STRADA: variants seen among roughly 807,000 people sequenced by gnomAD.
STRADA encodes STE20-related kinase adapter protein alpha.
Under a neutral mutation model 55.0 loss-of-function variants are expected in STRADA, and 26 were observed. The observed-to-expected ratio is 0.47, with a 90% confidence interval of 0.35 to 0.66. The LOEUF is 0.66. Ranked by LOEUF, STRADA falls within the 30% of genes least tolerant of loss-of-function variation. The pLI, the probability that STRADA is intolerant of heterozygous loss-of-function variation, is 0.01. For synonymous variants in STRADA, 197 were observed against 210.9 expected (o/e 0.93, Z 0.57); for missense variants, 443 against 549.7 (o/e 0.81, Z 1.94).
At position 63,710,513 on chromosome 17, in the gene STRADA, G is replaced by T; in HGVS notation, c.559C>A (p.His187Asn). The stretch of plus-strand genomic sequence containing the variant: ...CACCTGTGTACATATCCCATGTGGT[G>T]GATGTAGTCGAGGGCCTTCAGCACC... ...QGVLKALDYI[H>N]HMGYVHRSVK... The change falls in exon 8 of 13, where the codon CAC (histidine) becomes AAC (asparagine). Residue 187 changes from histidine (H) to asparagine (N), a missense_variant. Coordinates refer to ENST00000336174, the MANE Select transcript of STRADA (RefSeq NM_001003787.4). The T allele has an allele frequency of 5.6e-6, 9 of 1,613,890 alleles. No individual in the cohort carries two copies. Among genetic ancestry groups the T allele is most frequent in the Non-Finnish European group, 7.6e-6 (9 of 1,179,884 alleles).
At chr17:63,719,735 C>T (rs1365325647) in intron 4 of STRADA, among the ~76,000 whole-genome samples, 7 of 152,126 alleles carry the variant, frequency 4.6e-5, no homozygotes, top group Admixed American at 1.3e-4. Context: ...GCGCGCACCT[C>T]GGCCTCCCAA....
chr17:63,711,286 C>T (rs1308083711), intron 6 of STRADA, among the ~76,000 whole-genome samples: 2 of 152,248 alleles, frequency 1.3e-5, no homozygotes, highest in African/African-American at 4.8e-5. Context: ...CCTTCTGCCT[C>T]AGCCTCCCAA....
chr17:63,721,541 C>G (rs1685989961), intron 4 of STRADA, among the ~76,000 whole-genome samples: 1 of 151,154 alleles, frequency 6.6e-6, no homozygotes, highest in African/African-American at 2.4e-5. Flanking sequence ...TAGTGAAACC[C>G]TGTCTCTACT....
At chr17:63,713,175 TAAATGAATAAAA>T (rs1446858174) in intron 6 of STRADA, among the ~76,000 whole-genome samples, 1 of 151,776 alleles carries the variant, frequency 6.6e-6, no homozygotes, top group Non-Finnish European at 1.5e-5. Flanking sequence ...AAATAATAAA[TAAATGAATAAAA>T]AAGCCAGAAG....
chr17:63,726,846 G>C, intron 2 of STRADA, 151 bp from the exon 3 acceptor site: 1 of 702,356 alleles, frequency 1.4e-6, no homozygotes, highest in Non-Finnish European at 2.4e-6. Context: ...GTTTTTAACA[G>C]AATCTTGAAC....
At chr17:63,737,622 G>C (rs2038547676) in intron 1 of STRADA, among the ~76,000 whole-genome samples, 1 of 152,186 alleles carries the variant, frequency 6.6e-6, no homozygotes, top group Non-Finnish European at 1.5e-5. Context: ...AATACTGAAA[G>C]TTGATAGGAT....
intron 2 of STRADA, chr17:63,727,409 C>T (rs1435672598): frequency 6.6e-6 from 1 of 152,224 alleles, no homozygotes; most frequent in Non-Finnish European, 1.5e-5. Flanking sequence ...GGCTTGGGGG[C>T]ATTCTTTCCA....
intron 1 of STRADA, among the ~76,000 whole-genome samples, chr17:63,739,382 T>A (rs924740751): frequency 1.3e-5 from 2 of 152,030 alleles, no homozygotes; most frequent in African/African-American, 4.8e-5. Flanking sequence ...GATTGAATCA[T>A]GTACAGATGA....
chr17:63,717,239 G>A (rs2036952260), intron 4 of STRADA: 1 of 152,104 alleles, frequency 6.6e-6, no homozygotes, highest in East Asian at 1.9e-4. Context: ...ATTTGATACT[G>A]GTTTTTATAC....
rs750274268 is a variant in STRADA, at chr17:63,704,275, C to G, written c.1100+66G>C. 5.0e-6 allele frequency: 8 copies of G among 1,594,964 alleles called. No individual in the cohort carries two copies. The East Asian group carries it at 1.8e-4, about 36-fold the overall frequency. On this transcript the variant is annotated intron_variant, in intron 11 of 12. Transcript: ENST00000336174. ...CCTTTGGGAGGTAAGTCCCTTCACA[C>G]CCTGGCCTTACCCTCCTGAGCACCC...
chr17:63,719,483 C>T (rs1361358026), intron 4 of STRADA, among the ~76,000 whole-genome samples: 1 of 151,628 alleles, frequency 6.6e-6, no homozygotes, highest in Non-Finnish European at 1.5e-5. Flanking sequence ...CAGATAGATA[C>T]TACTTTTTTT....
At chr17:63,713,361 C>T (rs2036633354) in intron 6 of STRADA, 45 bp downstream of exon 6, 1 of 1,598,960 alleles carries the variant, frequency 6.3e-7, no homozygotes, top group African/African-American at 1.3e-5. Flanking sequence ...CTATCAGAGC[C>T]AAGAGCCCAC....
chr17:63,726,518 C>A lies in STRADA; in HGVS notation c.94+120G>T, dbSNP rs2037670349. On this transcript the variant is annotated intron_variant, in intron 3 of 12. Coordinates refer to ENST00000336174, the MANE Select transcript of STRADA (RefSeq NM_001003787.4). Reference sequence around the variant, plus strand: ...AAATTCAAAAAGGAACCAAAGAAATCCAACAACTGTAGGTTACACTTGCCC... The same window carrying A: ...AAATTCAAAAAGGAACCAAAGAAATACAACAACTGTAGGTTACACTTGCCC... 1.3e-5 allele frequency: 12 copies of A among 901,676 alleles called. No individual in the cohort carries two copies. The South Asian group carries it at 2.1e-4, about 16-fold the overall frequency. 55.9% of individuals were successfully genotyped at this position (901,676 alleles called of 1,614,324 possible). A position where few individuals can be genotyped will look rare whatever the true frequency, so the allele number is the denominator to read the frequency against.
chr17:63,726,504 G>T, intron 3 of STRADA, 134 bp downstream of exon 3: 1 of 784,926 alleles, frequency 1.3e-6, no homozygotes. Context: ...AATTCAAAAA[G>T]GAACCAAAGA....
At chr17:63,714,227 G>A (rs2036705985) in intron 4 of STRADA, 119 bp from the exon 5 acceptor site, 1 of 711,158 alleles carries the variant, frequency 1.4e-6, no homozygotes, top group Non-Finnish European at 2.5e-6. Context: ...CACAAATCCC[G>A]ACTCAGTGCC....
intron 1 of STRADA, among the ~76,000 whole-genome samples, chr17:63,734,715 T>C (rs2038293434): frequency 6.6e-6 from 1 of 152,180 alleles, no homozygotes; most frequent in Admixed American, 6.6e-5. Flanking sequence ...TTGACCAAAT[T>C]AATCTTTCCC....
At chr17:63,724,127 CTTTTT>C (rs1466726362) in intron 3 of STRADA, among the ~76,000 whole-genome samples, 1 of 151,932 alleles carries the variant, frequency 6.6e-6, no homozygotes. Context: ...ATGCTTTCTT[CTTTTT>C]AATTTTTTTT....
chr17:63,704,348 C>G lies in STRADA; in HGVS notation c.1093G>C (p.Asp365His), dbSNP rs1309903629. The change falls in exon 11 of 13, where the codon GAT (aspartate) becomes CAT (histidine). Residue 365 changes from aspartate to histidine, a missense_variant. By Grantham distance (81) the Asp-to-His change is moderately conservative (BLOSUM62 -1). Transcript: ENST00000336174. Reference sequence around the variant, plus strand: ...CCAGGCCAGCAGGGATACCTGGCATCCGGGTTGCGCTGAAGGCACTGCTCC... The same window carrying G: ...CCAGGCCAGCAGGGATACCTGGCATGCGGGTTGCGCTGAAGGCACTGCTCC... ...FVEQCLQRNP[D>H]ARPSASTLLN... The G allele has an allele frequency of 4.3e-6, 7 of 1,612,338 alleles. No individual in the cohort carries two copies. Among genetic ancestry groups the G allele is most frequent in the Non-Finnish European group, 5.9e-6 (7 of 1,179,610 alleles).
chr17:63,724,689 T>C (rs4968595), intron 3 of STRADA, among the ~76,000 whole-genome samples: 106,464 of 151,950 alleles, frequency 0.7, 38,725 homozygotes, highest in African/African-American at 0.92. Context: ...TGGGATTCCA[T>C]GCATGAGCCA....
Sources: gnomAD v4.1 joint callset for allele counts (sites outside exome capture counted in the v4.1 genomes callset) on GRCh38, gnomAD v4.1.1 for gene constraint, MANE v1.5 for transcripts, NCBI Gene and HGNC (gene_info 2026-07-23, HGNC 2026-07-21) for gene names.